PRKCA: variants seen among roughly 807,000 people sequenced by gnomAD.
PRKCA encodes the protein protein kinase C alpha, also known as protein kinase C alpha type.
Under a neutral mutation model 87.0 loss-of-function variants are expected in PRKCA, and 27 were observed. The observed-to-expected ratio is 0.31, with a 90% CI of 0.23 to 0.43. The LOEUF (loss-of-function observed/expected upper bound fraction) is 0.43. Among genes scored for constraint, PRKCA ranks in the 20% least tolerant of loss-of-function variants. The pLI is 1.00. For synonymous variants in PRKCA, 329 were observed against 311.1 expected (o/e 1.06, Z -0.61); for missense variants, 518 against 852.3 (o/e 0.61, Z 4.88).
At chr17:66,469,166 G>A (rs1915217678) in intron 2 of PRKCA, among the ~76,000 whole-genome samples, 1 of 152,040 alleles carries the variant, frequency 6.6e-6, no homozygotes, top group Non-Finnish European at 1.5e-5. Context: ...GAGAACACTG[G>A]GGCACCCTCC....
intron 2 of PRKCA, among the ~76,000 whole-genome samples, chr17:66,385,048 A>G (rs571220550): frequency 2.0e-5 from 3 of 152,184 alleles, no homozygotes; most frequent in Non-Finnish European, 4.4e-5. Flanking sequence ...TTTCTGAATT[A>G]TGTAGCAATT....
intron 2 of PRKCA, among the ~76,000 whole-genome samples, chr17:66,455,152 T>C (rs1387602455): frequency 1.3e-5 from 2 of 152,202 alleles, no homozygotes; most frequent in African/African-American, 4.8e-5. Flanking sequence ...TGTATTCAAC[T>C]TGTGCTCCTT....
chr17:66,732,344 T>C (rs1364844344), intron 8 of PRKCA, among the ~76,000 whole-genome samples: 1 of 152,226 alleles, frequency 6.6e-6, no homozygotes, highest in Non-Finnish European at 1.5e-5. Flanking sequence ...TCCTTTATTA[T>C]GTTCATGGAC....
intron 3 of PRKCA, among the ~76,000 whole-genome samples, chr17:66,538,499 G>T (rs539431147): frequency 6.6e-6 from 1 of 152,290 alleles, no homozygotes; most frequent in South Asian, 2.1e-4. Context: ...GGAACCCTAG[G>T]CCAGCAAACT....
At chr17:66,721,872 A>G (rs1165893984) in intron 8 of PRKCA, among the ~76,000 whole-genome samples, 1 of 152,142 alleles carries the variant, frequency 6.6e-6, no homozygotes, top group Non-Finnish European at 1.5e-5. Context: ...GCAGCCCAAC[A>G]GGTCTCAGCC....
intron 3 of PRKCA, among the ~76,000 whole-genome samples, chr17:66,573,357 C>T (rs146282255): frequency 6.6e-5 from 10 of 152,192 alleles, no homozygotes; most frequent in African/African-American, 2.4e-4. Flanking sequence ...CAGATAGAGG[C>T]CAACTTTAAA....
At chr17:66,518,592 G>C (rs1047464108) in intron 3 of PRKCA, among the ~76,000 whole-genome samples, 3 of 152,138 alleles carry the variant, frequency 2.0e-5, no homozygotes, top group Admixed American at 1.3e-4. Flanking sequence ...GATGAACCTG[G>C]TAACCTAATT....
chr17:66,788,890 A>G lies in PRKCA; in HGVS notation c.1765A>G (p.Arg589Gly), dbSNP rs1975464306. ...GCTGGGCTGTGGGCCTGAGGGGGAG[A>G]GGGACGTGAGAGAGCATGCCTTCTT... Reference protein sequence around the residue: ...KRLGCGPEGERDVREHAFFRR... With the variant: ...KRLGCGPEGEGDVREHAFFRR... The change falls in exon 16 of 17, where the codon AGG (arginine) becomes GGG (glycine). Residue 589 changes from arginine to glycine, a missense_variant. Transcript: ENST00000413366. The G allele has an allele frequency of 6.2e-7, 1 of 1,613,856 alleles. No individual in the cohort carries two copies. The highest frequency in any genetic ancestry group is 1.7e-5 in the Admixed American group (1 of 59,980).
chr17:66,677,074 T>TA (rs1259716817), intron 5 of PRKCA: 100 of 147,480 alleles, frequency 6.8e-4, no homozygotes, highest in Admixed American at 3.1e-3. Context: ...CCACAGCTTA[T>TA]TTTTATTTAT....
rs551842071 is a variant in PRKCA, at chr17:66,571,526, A to G, written c.289-69829A>G. Among the ~76,000 whole-genome samples, 5 of 152,326 alleles carry G rather than the reference A, an allele frequency of 3.3e-5. No individual in the cohort carries two copies. The East Asian group carries it at 9.6e-4, about 29-fold the overall frequency. On this transcript the variant is annotated intron_variant, in intron 3 of 16. Coordinates refer to ENST00000413366, the MANE Select transcript of PRKCA (RefSeq NM_002737.3). Reference sequence around the variant, plus strand: ...TGGAAGAAAAAGTTAATTTGGTGGAACCTTTAGTCAAATTAATTGGTCAGA... The same window carrying G: ...TGGAAGAAAAAGTTAATTTGGTGGAGCCTTTAGTCAAATTAATTGGTCAGA...
chr17:66,435,300 T>G (rs902597583), intron 2 of PRKCA, among the ~76,000 whole-genome samples: 56 of 152,230 alleles, frequency 3.7e-4, no homozygotes, highest in African/African-American at 1.4e-3. Flanking sequence ...ACCAACTAAC[T>G]AGCACAGTTT....
intron 8 of PRKCA, among the ~76,000 whole-genome samples, chr17:66,695,109 C>T (rs996877060): frequency 6.6e-6 from 1 of 152,162 alleles, no homozygotes; most frequent in African/African-American, 2.4e-5. Flanking sequence ...TTCCTCAGCG[C>T]CCCTTCCTCT....
chr17:66,355,245 G>A (rs754540335), intron 2 of PRKCA, among the ~76,000 whole-genome samples: 1 of 152,142 alleles, frequency 6.6e-6, no homozygotes, highest in African/African-American at 2.4e-5. Context: ...TAAGCTGGCA[G>A]CCAACCCAGA....
At chr17:66,398,065 A>T (rs117887005) in intron 2 of PRKCA, 13 of 152,140 alleles carry the variant, frequency 8.5e-5, no homozygotes, top group Non-Finnish European at 1.9e-4. Context: ...TACATGGCAA[A>T]TGCTAGCATT....
chr17:66,739,240 A>G (rs1421565936), intron 11 of PRKCA, among the ~76,000 whole-genome samples: 1 of 152,236 alleles, frequency 6.6e-6, no homozygotes, highest in Non-Finnish European at 1.5e-5. Flanking sequence ...GCCCAGTTTT[A>G]GGTTGAATGT....
intron 16 of PRKCA, among the ~76,000 whole-genome samples, chr17:66,797,766 C>T (rs150811978): frequency 1.6e-4 from 24 of 152,332 alleles, no homozygotes; most frequent in Non-Finnish European, 2.1e-4. Context: ...AGCAGTCACA[C>T]GCTGACTGGT....
chr17:66,432,422 C>A (rs115125190), intron 2 of PRKCA, among the ~76,000 whole-genome samples: 1 of 152,134 alleles, frequency 6.6e-6, no homozygotes, highest in African/African-American at 2.4e-5. Flanking sequence ...CCTCCACATA[C>A]GCTTTTTGAT....
At chr17:66,572,052 T>C (rs913053243) in intron 3 of PRKCA, among the ~76,000 whole-genome samples, 3 of 152,216 alleles carry the variant, frequency 2.0e-5, no homozygotes, top group Non-Finnish European at 4.4e-5. Flanking sequence ...ATTCAGAGAC[T>C]GTGGTGTCTG....
chr17:66,520,933 A>G (rs1967139059), intron 3 of PRKCA, among the ~76,000 whole-genome samples: 1 of 152,274 alleles, frequency 6.6e-6, no homozygotes, highest in Admixed American at 6.5e-5. Context: ...CTGCTATAGA[A>G]TGTTTTTTAA....
Sources: allele counts gnomAD v4.1 joint callset (sites outside exome capture counted in the v4.1 genomes callset), GRCh38; gene constraint gnomAD v4.1.1; transcripts MANE v1.5; gene names NCBI Gene and HGNC (gene_info 2026-07-23, HGNC 2026-07-21).